ORC1: variants seen among roughly 807,000 people sequenced by gnomAD.
ORC1 encodes the protein origin recognition complex subunit 1, also known as origin recognition complex, subunit 1 homolog.
Under a neutral mutation model 98.9 loss-of-function variants are expected in ORC1, and 61 were observed. The ratio of observed to expected loss-of-function variants is 0.62; its 90% CI spans 0.50 to 0.76. The LOEUF is 0.76. ORC1 is among the 30% of genes least tolerant of loss of function. The pLI is 0.00. For missense variants in ORC1, 979 were observed against 1,072.2 expected (o/e 0.91, Z 1.21); for synonymous variants, 385 against 406.9 (o/e 0.95, Z 0.65).
chr1:52,397,735 G>A lies in ORC1; in HGVS notation c.352C>T (p.Pro118Ser). 1 of 1,614,188 alleles carries A rather than the reference G, an allele frequency of 6.2e-7. No individual in the cohort carries two copies. Among genetic ancestry groups the A allele is most frequent in the Non-Finnish European group, 8.5e-7 (1 of 1,180,022 alleles). The change falls in exon 4 of 17, where the codon CCG (proline) becomes TCG (serine). Residue 118 changes from proline to serine, a missense_variant. Transcript: ENST00000371568. Reference protein sequence around the residue: ...GAQEIFWYDYPACDSNINAET... With the variant: ...GAQEIFWYDYSACDSNINAET... ...GCATTAATGTTGCTGTCACAGGCCG[G>A]GTAATCATACCAGAATATTTCCTGT...
rs868852956 is a variant in ORC1, at chr1:52,383,813, G to A, written c.1863+17C>T. 8.1e-6 allele frequency: 13 copies of A among 1,596,168 alleles called. No homozygotes were observed. The highest frequency in any genetic ancestry group is 1.7e-4 in the Middle Eastern group (1 of 5,716). Reference sequence around the variant, plus strand: ...TACAGCCCTGTTTCTTCTCCTGTCCGCCCATGGGCACCTCACCTCATCCAC... The same window carrying A: ...TACAGCCCTGTTTCTTCTCCTGTCCACCCATGGGCACCTCACCTCATCCAC... On this transcript the variant is annotated intron_variant, in intron 12 of 16. Coordinates refer to ENST00000371568, the MANE Select transcript of ORC1 (RefSeq NM_004153.4).
chr1:52,373,232 C>T lies in ORC1; in HGVS notation c.2535G>A (p.Val845=). The change falls in exon 17 of 17, where the codon GTG becomes GTA. Residue 845 remains valine, a synonymous_variant. Coordinates refer to ENST00000371568, the MANE Select transcript of ORC1 (RefSeq NM_004153.4). ...EPSRNDLLLR[V]RLNVSQDDVL... ...CATCATCCTGGCTGACGTTGAGCCG[C>T]ACCCGAAGGAGCAGATCGTTCCTGC... The T allele has an allele frequency of 1.2e-6, 2 of 1,614,234 alleles. No homozygotes were observed. The highest frequency in any genetic ancestry group is 1.7e-6 in the Non-Finnish European group (2 of 1,180,042).
At chr1:52,374,944 C>T (rs1234289641) in intron 15 of ORC1, 47 bp from the exon 16 acceptor site, 1 of 1,215,012 alleles carries the variant, frequency 8.2e-7, no homozygotes. Context: ...GGCTGTAACC[C>T]CAGCCCAGAG....
chr1:52,394,789 C>T (rs1009197450), intron 5 of ORC1, among the ~76,000 whole-genome samples: 2 of 152,100 alleles, frequency 1.3e-5, no homozygotes, highest in Non-Finnish European at 2.9e-5. Context: ...GCTGGGATTA[C>T]AGGTATGTGC....
intron 6 of ORC1, among the ~76,000 whole-genome samples, chr1:52,389,566 T>G (rs1647184180): frequency 6.6e-6 from 1 of 152,186 alleles, no homozygotes; most frequent in African/African-American, 2.4e-5. Flanking sequence ...ACTCACCAAC[T>G]CCCCAACTAG....
intron 3 of ORC1, among the ~76,000 whole-genome samples, chr1:52,401,075 A>G (rs1647682373): frequency 6.6e-6 from 1 of 151,128 alleles, no homozygotes; most frequent in African/African-American, 2.4e-5. Context: ...CCTTTCCCCC[A>G]AATTCATCCA....
At chr1:52,375,354 T>C (rs1646980354) in intron 15 of ORC1, 76 bp downstream of exon 15, 10 of 1,328,356 alleles carry the variant, frequency 7.5e-6, no homozygotes, top group South Asian at 3.5e-5. Context: ...AAGTGCAGGT[T>C]GAATGAGTAA....
the ORC1 span, chr1:52,409,438 C>T: frequency 6.6e-6 from 1 of 152,164 alleles, no homozygotes; most frequent in Non-Finnish European, 1.5e-5. Flanking sequence ...TGGTGAAACC[C>T]TATATCTACT....
chr1:52,391,881 G>C (rs1647218608), intron 6 of ORC1, among the ~76,000 whole-genome samples: 1 of 146,220 alleles, frequency 6.8e-6, no homozygotes, highest in African/African-American at 2.6e-5. Flanking sequence ...CTGGGCAACA[G>C]AGCAAGACTC....
intron 6 of ORC1, among the ~76,000 whole-genome samples, chr1:52,391,758 C>T (rs1271145377): frequency 1.3e-5 from 2 of 151,416 alleles, no homozygotes; most frequent in Admixed American, 6.6e-5. Context: ...ATTAGTCGGG[C>T]GTGGTGGTGA....
At chr1:52,378,816 G>C (rs1324351348) in intron 14 of ORC1, among the ~76,000 whole-genome samples, 1 of 151,868 alleles carries the variant, frequency 6.6e-6, no homozygotes, top group Non-Finnish European at 1.5e-5. Context: ...AGCAGATCAC[G>C]AGGTCAGGAG....
intron 13 of ORC1, among the ~76,000 whole-genome samples, chr1:52,382,133 C>A (rs972663929): frequency 6.6e-6 from 1 of 151,994 alleles, no homozygotes; most frequent in African/African-American, 2.4e-5. Context: ...TGCCCACCAC[C>A]ACGCCCAGCT....
chr1:52,408,356 G>A, upstream of ORC1: 3 of 686,162 alleles, frequency 4.4e-6, no homozygotes, highest in Admixed American at 4.1e-5. Flanking sequence ...TATGTATGAT[G>A]TTCCCACAGC....
At position 52,384,740 on chromosome 1, in the gene ORC1, A is replaced by AC; in HGVS notation, c.1584-20dup. ...CATGCACCTAGAGCAAGAGAGGAAA[A>AC]CCCGTGGGGTAGGTCTCAGCCAGCC... On this transcript the variant is annotated intron_variant, in intron 10 of 16. Transcript: ENST00000371568. 6.3e-7 allele frequency: 1 copy of AC among 1,595,894 alleles called. No individual in the cohort carries two copies. The highest frequency in any genetic ancestry group is 8.5e-7 in the Non-Finnish European group (1 of 1,173,662).
rs529377367 is a variant in ORC1, at chr1:52,379,436, G to C, written c.2133+2206C>G. Among the ~76,000 whole-genome samples, 73 of 151,402 alleles carry C rather than the reference G, an allele frequency of 4.8e-4. 1 individual carries two copies. The highest frequency in any genetic ancestry group is 9.3e-4 in the Non-Finnish European group (63 of 67,822). ...TTTTTTGTATTTTTAGTAGAGACAGGGTTTCACCCTGTTAGCCAGGATGGT... is the reference window on the plus strand; with the variant it reads ...TTTTTTGTATTTTTAGTAGAGACAGCGTTTCACCCTGTTAGCCAGGATGGT... On this transcript the variant is annotated intron_variant, in intron 14 of 16. Transcript: ENST00000371568.
At chr1:52,377,019 T>G (rs949514953) in intron 14 of ORC1, among the ~76,000 whole-genome samples, 1 of 151,668 alleles carries the variant, frequency 6.6e-6, no homozygotes, top group African/African-American at 2.4e-5. Context: ...AAACTTGGGT[T>G]TTATTTATTT....
At chr1:52,377,449 A>AT (rs1647008460) in intron 14 of ORC1, among the ~76,000 whole-genome samples, 1 of 151,512 alleles carries the variant, frequency 6.6e-6, no homozygotes, top group African/African-American at 2.4e-5. Context: ...TAATTTTTAA[A>AT]TTTTTTGTAG....
At chr1:52,382,328 G>A (rs1487865239) in intron 13 of ORC1, among the ~76,000 whole-genome samples, 3 of 152,110 alleles carry the variant, frequency 2.0e-5, no homozygotes, top group Non-Finnish European at 4.4e-5. Context: ...AAGGACCTTT[G>A]ATTCTATCAG....
At position 52,396,309 on chromosome 1, in the gene ORC1, G is replaced by A. The variant is rs753388005; in HGVS notation, c.458C>T (p.Thr153Ile). 2 of 1,614,050 alleles carry A rather than the reference G, an allele frequency of 1.2e-6. No individual in the cohort carries two copies. Among genetic ancestry groups the A allele is most frequent in the Non-Finnish European group, 8.5e-7 (1 of 1,180,024 alleles). The change falls in exon 5 of 17, where the codon ACA becomes ATA. Residue 153 changes from threonine (T) to isoleucine (I), a missense_variant. Transcript: ENST00000371568. Reference sequence around the variant, plus strand: ...ATTCCAGGATAGTTTCACAAAGAGTGTCTTCTCATTTTTCAGATTCGTCGG... The same window carrying A: ...ATTCCAGGATAGTTTCACAAAGAGTATCTTCTCATTTTTCAGATTCGTCGG... ...VVPTNLKNEKTLFVKLSWNEK... is the reference protein window; with the variant it reads ...VVPTNLKNEKILFVKLSWNEK...
Sources: gnomAD v4.1 joint callset for allele counts (sites outside exome capture counted in the v4.1 genomes callset) on GRCh38, gnomAD v4.1.1 for gene constraint, MANE v1.5 for transcripts, NCBI Gene and HGNC (gene_info 2026-07-23, HGNC 2026-07-21) for gene names.